The following TTC8 variants were observed in gnomAD, a reference collection of about 807,000 sequenced individuals.
The protein encoded by TTC8 is tetratricopeptide repeat protein 8.
A neutral mutation model predicts 72.5 loss-of-function variants in TTC8; 47 were observed. The observed-to-expected ratio is 0.65, with a 90% confidence interval of 0.51 to 0.83. TTC8 has a LOEUF of 0.83. Among genes scored for constraint, TTC8 ranks in the 40% least tolerant of loss-of-function variants. The probability of loss-of-function intolerance (pLI) is 0.00; values close to 1 mark genes in which losing one functional copy is unlikely to be tolerated. For synonymous variants in TTC8, 199 were observed against 221.4 expected (o/e 0.90, Z 0.90); for missense variants, 611 against 623.2 (o/e 0.98, Z 0.21).
intron 10 of TTC8, 122 bp downstream of exon 10, chr14:88,861,454 T>C (rs2094885613): frequency 1.5e-6 from 1 of 685,282 alleles, no homozygotes; most frequent in Non-Finnish European, 2.5e-6. Context: ...GTAATTGAGT[T>C]ATCTATCACC....
At chr14:88,860,320 A>G (rs1203326946) in intron 9 of TTC8, among the ~76,000 whole-genome samples, 1 of 152,184 alleles carries the variant, frequency 6.6e-6, no homozygotes, top group Non-Finnish European at 1.5e-5. Context: ...AAAAAGTGTC[A>G]TAATCTTATG....
Position 88,841,136 on chromosome 14 carries a change from A to C in TTC8, c.429A>C (p.Arg143Ser), listed in dbSNP as rs1472731626. The change falls in exon 5 of 15, where the codon AGA (arginine) becomes AGC (serine). Residue 143 changes from arginine (R) to serine (S), a missense_variant. Arg to Ser is a moderately radical substitution (Grantham distance 110). Transcript: ENST00000380656. The part of the protein sequence containing the change: ...GTMEQAIRTP[R>S]TAYTARPITS... Reference sequence around the variant, plus strand: ...TGGAACAGGCTATCAGAACACCCAGAACCGCCTACACAGCCCGCCCTATCA... The same window carrying C: ...TGGAACAGGCTATCAGAACACCCAGCACCGCCTACACAGCCCGCCCTATCA... The C allele has an allele frequency of 1.2e-6, 2 of 1,614,060 alleles. No homozygotes were observed. The highest frequency in any genetic ancestry group is 3.3e-5 in the Admixed American group (2 of 59,982).
intron 7 of TTC8, among the ~76,000 whole-genome samples, chr14:88,845,156 C>T (rs2094800246): frequency 1.3e-5 from 2 of 152,030 alleles, no homozygotes; most frequent in Non-Finnish European, 2.9e-5. Flanking sequence ...ATCACTAAAT[C>T]GTCCTTATCC....
At chr14:88,869,393 C>T (rs1351352054) in intron 10 of TTC8, among the ~76,000 whole-genome samples, 1 of 152,080 alleles carries the variant, frequency 6.6e-6, no homozygotes, top group Non-Finnish European at 1.5e-5. Flanking sequence ...GATCTTCCTG[C>T]TACCACTCTT....
intron 2 of TTC8, among the ~76,000 whole-genome samples, chr14:88,838,689 G>A (rs887155847): frequency 2.0e-5 from 3 of 152,144 alleles, no homozygotes; most frequent in Admixed American, 6.5e-5. Context: ...ATTGAATGGT[G>A]TACATGTTTA....
intron 9 of TTC8, among the ~76,000 whole-genome samples, 196 bp from the exon 10 acceptor site, chr14:88,861,026 A>G (rs1273920291): frequency 6.6e-6 from 1 of 151,730 alleles, no homozygotes; most frequent in African/African-American, 2.4e-5. Flanking sequence ...CTGGTCTCGA[A>G]CTCCTGGTCT....
chr14:88,847,252 C>T (rs917510455), intron 7 of TTC8, among the ~76,000 whole-genome samples: 1 of 152,028 alleles, frequency 6.6e-6, no homozygotes, highest in Non-Finnish European at 1.5e-5. Flanking sequence ...GCCAGGTGTT[C>T]CTGTGTAGTA....
chr14:88,857,119 T>C (rs2094860040), intron 8 of TTC8, 71 bp from the exon 9 acceptor site: 3 of 1,329,252 alleles, frequency 2.3e-6, no homozygotes, highest in Admixed American at 3.4e-5. Context: ...TTTGTCTCTA[T>C]TCATCCTCAG....
chr14:88,839,530 G>A lies in TTC8; in HGVS notation c.223G>A (p.Ala75Thr), dbSNP rs981178790. The A allele has an allele frequency of 6.8e-6, 11 of 1,613,314 alleles. No individual in the cohort carries two copies. The highest frequency in any genetic ancestry group is 9.3e-6 in the Non-Finnish European group (11 of 1,179,530). The change falls in exon 3 of 15, where the codon GCA becomes ACA. Residue 75 changes from alanine (A) to threonine (T), a missense_variant. Transcript: ENST00000380656. Reference sequence around the variant, plus strand: ...AATTGATGTAGATCAGGAAGGAATTGCAGAAATGATGCTGGATGAAAATGC... The same window carrying A: ...AATTGATGTAGATCAGGAAGGAATTACAGAAATGATGCTGGATGAAAATGC... ...DEIDVDQEGIAEMMLDENAIA... is the reference protein window; with the variant it reads ...DEIDVDQEGITEMMLDENAIA...
chr14:88,855,450 C>A (rs1319516277), intron 8 of TTC8, among the ~76,000 whole-genome samples: 2 of 152,134 alleles, frequency 1.3e-5, no homozygotes, highest in Non-Finnish European at 2.9e-5. Flanking sequence ...TTGAACATGG[C>A]ATGTTCCATT....
At chr14:88,856,971 A>G (rs1040134940) in intron 8 of TTC8, among the ~76,000 whole-genome samples, 1 of 152,128 alleles carries the variant, frequency 6.6e-6, no homozygotes, top group Non-Finnish European at 1.5e-5. Context: ...CTTCAGACAG[A>G]CTCTTTACAT....
At chr14:88,863,504 G>A (rs2094897409) in intron 10 of TTC8, among the ~76,000 whole-genome samples, 1 of 152,182 alleles carries the variant, frequency 6.6e-6, no homozygotes, top group African/African-American at 2.4e-5. Context: ...TTGGGTGCTG[G>A]TCATATAATC....
intron 2 of TTC8, among the ~76,000 whole-genome samples, chr14:88,835,012 A>G (rs548302218): frequency 6.6e-6 from 1 of 152,268 alleles, no homozygotes; most frequent in African/African-American, 2.4e-5. Flanking sequence ...CACTTTTGGA[A>G]TTTCTTATTT....
intron 1 of TTC8, among the ~76,000 whole-genome samples, chr14:88,832,336 C>G (rs2094729635): frequency 6.6e-6 from 1 of 152,172 alleles, no homozygotes; most frequent in Admixed American, 6.5e-5. Flanking sequence ...CTTCTGTCTC[C>G]TTTAGCTGTT....
intron 7 of TTC8, among the ~76,000 whole-genome samples, chr14:88,844,817 G>A (rs2094798615): frequency 6.6e-6 from 1 of 151,930 alleles, no homozygotes; most frequent in Non-Finnish European, 1.5e-5. Flanking sequence ...TTCCCAAAGT[G>A]CTGGGATTAC....
At chr14:88,846,330 A>AG (rs2094806308) in intron 7 of TTC8, among the ~76,000 whole-genome samples, 4 of 151,246 alleles carry the variant, frequency 2.6e-5, no homozygotes, top group African/African-American at 9.9e-5. Context: ...CTGTCTCAAA[A>AG]AAAAAGAAAA....
chr14:88,845,104 A>C (rs2094800055), intron 7 of TTC8, among the ~76,000 whole-genome samples: 1 of 152,200 alleles, frequency 6.6e-6, no homozygotes, highest in Non-Finnish European at 1.5e-5. Context: ...GAGGAAAAAG[A>C]AATGTAAAGA....
intron 1 of TTC8, among the ~76,000 whole-genome samples, chr14:88,832,772 G>A (rs1484661412): frequency 6.6e-6 from 1 of 152,128 alleles, no homozygotes; most frequent in Non-Finnish European, 1.5e-5. Context: ...ACTGTATTTA[G>A]GAAATCTATA....
chr14:88,862,553 T>C (rs1177674360), intron 10 of TTC8, among the ~76,000 whole-genome samples: 1 of 20,502 alleles, frequency 4.9e-5, no homozygotes, highest in African/African-American at 2.4e-4. Context: ...TATATATATA[T>C]ATATATATAT....
Sources: allele counts gnomAD v4.1 joint callset (sites outside exome capture counted in the v4.1 genomes callset), GRCh38; gene constraint gnomAD v4.1.1; transcripts MANE v1.5; gene names NCBI Gene and HGNC (gene_info 2026-07-23, HGNC 2026-07-21).